PRKG1: variants seen among roughly 807,000 people sequenced by gnomAD.
PRKG1 encodes the protein protein kinase cGMP-dependent 1.
PRKG1 carries 35 observed loss-of-function variants against 88.1 expected under a neutral mutation model. The ratio of observed to expected loss-of-function variants is 0.40; its 90% confidence interval spans 0.30 to 0.53. The LOEUF (loss-of-function observed/expected upper bound fraction) is 0.53, where lower values mean the gene tolerates loss of function less well. Among genes scored for constraint, PRKG1 ranks in the 20% least tolerant of loss-of-function variants. PRKG1 has a pLI of 0.59. For synonymous variants in PRKG1, 303 were observed against 292.5 expected (o/e 1.04, Z -0.37); for missense variants, 540 against 839.8 (o/e 0.64, Z 4.41).
At chr10:51,391,974 T>A (rs577312992) in intron 2 of PRKG1, among the ~76,000 whole-genome samples, 34 of 152,314 alleles carry the variant, frequency 2.2e-4, no homozygotes, top group South Asian at 1.2e-3. Context: ...AAACCGATTA[T>A]ATGAACTTCT....
Position 51,393,161 on chromosome 10 carries a change from C to T in PRKG1, c.479-74562C>T, listed in dbSNP as rs1266078360. ...CTCAGACGGGGCGGCCGGGCAGAGA[C>T]GCTCCTCACCTCCCAGACGGGGTCG... On this transcript the variant is annotated intron_variant, in intron 2 of 17. Transcript: ENST00000373980. 4.2e-4 allele frequency among the ~76,000 whole-genome samples: 62 copies of T among 149,146 alleles called. 1 individual carries two copies. The highest frequency in any genetic ancestry group is 6.2e-4 in the Non-Finnish European group (42 of 67,238).
intron 5 of PRKG1, among the ~76,000 whole-genome samples, chr10:51,967,312 C>CA (rs2133082255): frequency 6.6e-6 from 1 of 151,678 alleles, no homozygotes; most frequent in East Asian, 1.9e-4. Flanking sequence ...ATTGCAAGGA[C>CA]AAAAAACCAA....
At chr10:51,618,984 C>T (rs1839138502) in intron 3 of PRKG1, among the ~76,000 whole-genome samples, 1 of 145,394 alleles carries the variant, frequency 6.9e-6, no homozygotes, top group Non-Finnish European at 1.5e-5. Context: ...ATCATGTTGG[C>T]CAGGCTGGTC....
intron 2 of PRKG1, among the ~76,000 whole-genome samples, chr10:51,465,239 TC>T (rs1361555840): frequency 6.6e-6 from 1 of 152,100 alleles, no homozygotes; most frequent in Non-Finnish European, 1.5e-5. Flanking sequence ...AAAACAATAG[TC>T]CTGATGTTCC....
intron 1 of PRKG1, among the ~76,000 whole-genome samples, chr10:51,131,992 A>G (rs775130791): frequency 6.6e-6 from 1 of 152,060 alleles, no homozygotes; most frequent in Non-Finnish European, 1.5e-5. Context: ...CAATAAATAG[A>G]TTTTTTTACA....
intron 7 of PRKG1, among the ~76,000 whole-genome samples, chr10:52,078,756 TAC>T (rs1414674435): frequency 6.6e-6 from 1 of 152,276 alleles, no homozygotes; most frequent in African/African-American, 2.4e-5. Context: ...ATATAAATCT[TAC>T]AGTTTCTCCT....
At chr10:51,351,544 T>A (rs973648708) in intron 2 of PRKG1, among the ~76,000 whole-genome samples, 2 of 152,136 alleles carry the variant, frequency 1.3e-5, no homozygotes. Context: ...GTTGGCCACA[T>A]AAATGTCTTC....
intron 1 of PRKG1, among the ~76,000 whole-genome samples, chr10:51,060,726 G>C (rs1043918226): frequency 6.6e-6 from 1 of 152,008 alleles, no homozygotes; most frequent in Non-Finnish European, 1.5e-5. Context: ...GTGCTTTCAT[G>C]TGGATTCATT....
intron 9 of PRKG1, 111 bp downstream of exon 9, chr10:52,162,074 T>A: frequency 1.1e-6 from 1 of 896,860 alleles, no homozygotes; most frequent in Non-Finnish European, 1.7e-6. Flanking sequence ...AAACAACTAA[T>A]TAGTTGAGAG....
At chr10:52,187,776 T>C (rs1030488118) in intron 9 of PRKG1, among the ~76,000 whole-genome samples, 8 of 152,214 alleles carry the variant, frequency 5.3e-5, no homozygotes, top group Admixed American at 6.5e-5. Context: ...TCTGACTTCC[T>C]GTTGATTGAG....
chr10:51,104,240 C>T (rs1002015976), intron 1 of PRKG1, among the ~76,000 whole-genome samples: 1 of 152,276 alleles, frequency 6.6e-6, no homozygotes, highest in East Asian at 1.9e-4. Context: ...TCATCCCCCA[C>T]AATTAAAAGT....
intron 2 of PRKG1, among the ~76,000 whole-genome samples, chr10:51,237,544 A>G (rs1212573450): frequency 2.6e-5 from 4 of 152,206 alleles, no homozygotes; most frequent in African/African-American, 9.6e-5. Flanking sequence ...AATCCTTACT[A>G]TGTGTCCCAG....
chr10:51,374,231 C>T (rs573681159), intron 2 of PRKG1, among the ~76,000 whole-genome samples: 50 of 150,952 alleles, frequency 3.3e-4, no homozygotes, highest in Non-Finnish European at 6.1e-4. Flanking sequence ...TGCAGTCCCT[C>T]CCCTAGCACC....
At position 51,299,020 on chromosome 10, in the gene PRKG1, G is replaced by A. The variant is rs1265997333; in HGVS notation, c.478+145690G>A. 5.3e-5 allele frequency among the ~76,000 whole-genome samples: 8 copies of A among 152,134 alleles called. No homozygotes were observed. The South Asian group carries it at 1.0e-3, about 20-fold the overall frequency. On this transcript the variant is annotated intron_variant, in intron 2 of 17. Transcript: ENST00000373980. Reference sequence around the variant, plus strand: ...GTTGTCTAAAGTGTAATAATGAAAGGAATATGACCATTACTCCATCTGTCA... The same window carrying A: ...GTTGTCTAAAGTGTAATAATGAAAGAAATATGACCATTACTCCATCTGTCA...
At chr10:52,247,746 G>T (rs1367273646) in intron 9 of PRKG1, among the ~76,000 whole-genome samples, 1 of 152,170 alleles carries the variant, frequency 6.6e-6, no homozygotes, top group Non-Finnish European at 1.5e-5. Context: ...GAAAGTGTGT[G>T]CAGAGTCTCT....
Position 51,351,595 on chromosome 10 carries a change from A to G in PRKG1, c.479-116128A>G, listed in dbSNP as rs143823216. On this transcript the variant is annotated intron_variant, in intron 2 of 17. Coordinates refer to ENST00000373980, the MANE Select transcript of PRKG1 (RefSeq NM_006258.4). ...CTTCATATCCTTTGCTCACTTTTCA[A>G]TGGGGTTGTTTGTTTTATCTTGTAA... 1.7e-3 allele frequency among the ~76,000 whole-genome samples: 256 copies of G among 152,114 alleles called. 1 individual carries two copies. The highest frequency in any genetic ancestry group is 0.012 in the East Asian group (61 of 5,164).
chr10:51,569,532 G>C (rs143150105), intron 3 of PRKG1, among the ~76,000 whole-genome samples: 44 of 151,992 alleles, frequency 2.9e-4, no homozygotes, highest in African/African-American at 9.9e-4. Flanking sequence ...CTAAGCACTC[G>C]GATGAGTACT....
chr10:51,900,774 T>A (rs935910794), intron 4 of PRKG1, among the ~76,000 whole-genome samples: 9 of 152,234 alleles, frequency 5.9e-5, no homozygotes, highest in Non-Finnish European at 7.4e-5. Flanking sequence ...ATATTTTTTT[T>A]AAATCATTTT....
chr10:51,147,305 A>T (rs1845967084), intron 1 of PRKG1, among the ~76,000 whole-genome samples: 1 of 152,212 alleles, frequency 6.6e-6, no homozygotes, highest in Non-Finnish European at 1.5e-5. Flanking sequence ...CAACACAAAG[A>T]AATAACAAAT....
Sources: allele counts gnomAD v4.1 joint callset (sites outside exome capture counted in the v4.1 genomes callset), GRCh38; gene constraint gnomAD v4.1.1; transcripts MANE v1.5; gene names NCBI Gene and HGNC (gene_info 2026-07-23, HGNC 2026-07-21).